The following SNTG2 variants were observed in gnomAD, a reference collection of about 807,000 sequenced individuals.
SNTG2 encodes the protein syntrophin gamma 2.
Under a neutral mutation model 70.9 loss-of-function variants are expected in SNTG2, and 74 were observed. That is an observed-to-expected ratio of 1.04 (90% confidence interval 0.86 to 1.27). The LOEUF is 1.27. Ranked by LOEUF, SNTG2 falls within the 50% of genes most tolerant of loss-of-function variation. The pLI is 0.00. For missense variants in SNTG2, 717 were observed against 690.7 expected, an observed-to-expected ratio of 1.04 and a Z score of -0.43; for synonymous variants, 278 against 273.8, an observed-to-expected ratio of 1.02 and a Z score of -0.15.
intron 14 of SNTG2, among the ~76,000 whole-genome samples, chr2:1,300,212 C>T (rs112380299): frequency 2.0e-5 from 3 of 152,016 alleles, no homozygotes; most frequent in African/African-American, 4.8e-5. Context: ...TTACCATCAC[C>T]GCTCTGAAGG....
intron 15 of SNTG2, 148 bp from the exon 16 acceptor site, chr2:1,316,117 G>T: frequency 1.7e-6 from 1 of 576,356 alleles, no homozygotes. Flanking sequence ...AGAAAGTAGA[G>T]ACAGACAAAT....
At chr2:1,196,671 A>G (rs1028953612) in intron 8 of SNTG2, among the ~76,000 whole-genome samples, 4 of 152,202 alleles carry the variant, frequency 2.6e-5, no homozygotes, top group African/African-American at 9.6e-5. Context: ...CCATCAAGCC[A>G]TCAGTTGATT....
chr2:1,312,092 A>G (rs1364272415), intron 15 of SNTG2, among the ~76,000 whole-genome samples: 2 of 152,098 alleles, frequency 1.3e-5, no homozygotes, highest in Non-Finnish European at 1.5e-5. Context: ...ATCTATTTTC[A>G]ATGTTGAGAA....
chr2:1,185,505 C>T (rs1672191484), intron 8 of SNTG2, among the ~76,000 whole-genome samples: 1 of 152,230 alleles, frequency 6.6e-6, no homozygotes, highest in Non-Finnish European at 1.5e-5. Context: ...CCAGGAATTT[C>T]CATACATCCT....
intron 12 of SNTG2, among the ~76,000 whole-genome samples, chr2:1,257,492 G>C (rs575451292): frequency 1.4e-4 from 22 of 152,282 alleles, no homozygotes; most frequent in Non-Finnish European, 2.6e-4. Context: ...ACAGAAAGGG[G>C]CTTAATAAAC....
chr2:1,346,361 G>T (rs1384487417), intron 16 of SNTG2: 1 of 152,310 alleles, frequency 6.6e-6, no homozygotes. Flanking sequence ...AGGGAGGGTA[G>T]AGGGCAGGCT....
At chr2:1,110,217 T>C (rs1042507496) in intron 4 of SNTG2, among the ~76,000 whole-genome samples, 3 of 152,202 alleles carry the variant, frequency 2.0e-5, no homozygotes, top group African/African-American at 4.8e-5. Context: ...AGTCATGGCC[T>C]GGACACCTGT....
chr2:1,169,862 C>A (rs1424357592), intron 7 of SNTG2, among the ~76,000 whole-genome samples: 1 of 152,174 alleles, frequency 6.6e-6, no homozygotes, highest in African/African-American at 2.4e-5. Context: ...CCCATTAATT[C>A]AATAAGTGTC....
chr2:1,143,909 T>C (rs1000257103), intron 6 of SNTG2, among the ~76,000 whole-genome samples: 1 of 140,006 alleles, frequency 7.1e-6, no homozygotes, highest in Non-Finnish European at 1.5e-5. Context: ...AAAGAAAATA[T>C]TATATTCAAA....
chr2:1,257,847 T>C (rs1327272686), intron 12 of SNTG2, among the ~76,000 whole-genome samples: 2 of 152,346 alleles, frequency 1.3e-5, no homozygotes, highest in East Asian at 1.9e-4. Context: ...AAAATGCTGA[T>C]ATTACTAACT....
At chr2:965,361 G>A (rs1399804470) in intron 1 of SNTG2, among the ~76,000 whole-genome samples, 1 of 116,656 alleles carries the variant, frequency 8.6e-6, no homozygotes, top group Non-Finnish European at 1.8e-5. Flanking sequence ...CCTCCTCCTG[G>A]TCCCCAATCC....
At chr2:1,317,661 T>G (rs112633437) in intron 16 of SNTG2, among the ~76,000 whole-genome samples, 24 of 47,472 alleles carry the variant, frequency 5.1e-4, no homozygotes, top group South Asian at 1.5e-3. Flanking sequence ...CTGGAGCATT[T>G]AGCATCAGGT....
intron 7 of SNTG2, among the ~76,000 whole-genome samples, chr2:1,166,494 A>G (rs1214411478): frequency 2.0e-5 from 3 of 151,908 alleles, no homozygotes; most frequent in Non-Finnish European, 2.9e-5. Context: ...TGATGTCCCT[A>G]TTGTCAATGC....
intron 9 of SNTG2, among the ~76,000 whole-genome samples, chr2:1,231,619 C>T (rs1676251005): frequency 6.6e-6 from 1 of 152,300 alleles, no homozygotes; most frequent in Middle Eastern, 3.4e-3. Context: ...ATGAGCTCCT[C>T]CCTTCACCTC....
At chr2:1,145,759 A>G (rs1669061549) in intron 6 of SNTG2, among the ~76,000 whole-genome samples, 1 of 152,204 alleles carries the variant, frequency 6.6e-6, no homozygotes, top group South Asian at 2.1e-4. Flanking sequence ...AGAAAAGAAA[A>G]TTATAGACCA....
At chr2:1,205,163 T>C (rs2147980209) in intron 8 of SNTG2, among the ~76,000 whole-genome samples, 2 of 152,326 alleles carry the variant, frequency 1.3e-5, no homozygotes, top group South Asian at 4.1e-4. Flanking sequence ...AACACTACTT[T>C]GTGTCCATAC....
At chr2:1,196,377 A>G (rs904305684) in intron 8 of SNTG2, among the ~76,000 whole-genome samples, 3 of 152,220 alleles carry the variant, frequency 2.0e-5, no homozygotes, top group African/African-American at 7.2e-5. Flanking sequence ...GACATATGGG[A>G]CACATTAAAA....
At chr2:1,297,987 C>G (rs1034926821) in intron 14 of SNTG2, among the ~76,000 whole-genome samples, 3 of 152,082 alleles carry the variant, frequency 2.0e-5, no homozygotes, top group Non-Finnish European at 2.9e-5. Flanking sequence ...GCCCAGGGCT[C>G]TATGTGTTAC....
At position 1,124,305 on chromosome 2, in the gene SNTG2, A is replaced by AGTTT. The variant is rs1667564298; in HGVS notation, c.326-13317_326-13316insGTTT. On this transcript the variant is annotated intron_variant, in intron 4 of 16. Transcript: ENST00000308624. ...TGGAATATTACTCAGTCTTTTTTTAATTTTTCTCAGACAGAGGCTTGCTTT... is the reference window on the plus strand; with the variant it reads ...TGGAATATTACTCAGTCTTTTTTTAAGTTTTTTTTCTCAGACAGAGGCTTGCTTT... 2.7e-4 allele frequency among the ~76,000 whole-genome samples: 40 copies of AGTTT among 147,506 alleles called. 2 individuals are homozygous for AGTTT. In the South Asian group the frequency reaches 8.6e-3, roughly 32 times the overall value.
Sources: gnomAD v4.1 joint callset for allele counts (sites outside exome capture counted in the v4.1 genomes callset) on GRCh38, gnomAD v4.1.1 for gene constraint, MANE v1.5 for transcripts, NCBI Gene and HGNC (gene_info 2026-07-23, HGNC 2026-07-21) for gene names.